CHSY1: variants seen among roughly 807,000 people sequenced by gnomAD.
CHSY1 encodes N-acetylgalactosaminyl-proteoglycan 3-beta-glucuronosyltransferase 1.
In CHSY1, 13 loss-of-function variants were observed where a neutral mutation model predicts 59.8. The ratio of observed to expected loss-of-function variants is 0.22; its 90% CI spans 0.14 to 0.35. CHSY1 has a LOEUF of 0.35. CHSY1 is among the 10% of genes least tolerant of loss of function. CHSY1 has a pLI of 1.00. For synonymous variants in CHSY1, 459 were observed against 401.2 expected (o/e 1.14, Z -1.72); for missense variants, 947 against 1,030.6 (o/e 0.92, Z 1.11).
At chr15:101,210,813 A>G (rs2038674782) in intron 2 of CHSY1, among the ~76,000 whole-genome samples, 1 of 152,208 alleles carries the variant, frequency 6.6e-6, no homozygotes, top group Admixed American at 6.5e-5. Context: ...TTCAGTCAAA[A>G]GCTACTAAAC....
In CHSY1 at chr15:101,177,701, T is replaced by C. The variant is rs775524760; in HGVS notation, c.2096A>G (p.Tyr699Cys). 4.3e-6 allele frequency: 7 copies of C among 1,614,122 alleles called. No individual in the cohort carries two copies. The African/African-American group carries it at 5.3e-5, about 12-fold the overall frequency. The change falls in exon 3 of 3, where the codon TAT becomes TGT. Residue 699 changes from tyrosine (Y) to cysteine (C), a missense_variant. Physicochemically the swap from Tyr to Cys is radical, Grantham distance 194 (BLOSUM62 -2). Around this residue, in one of 4 missense-constraint regions of CHSY1, gnomAD observed 602 missense variants for 676.9 expected, o/e 0.89. Coordinates refer to ENST00000254190, the MANE Select transcript of CHSY1 (RefSeq NM_014918.5). ...ACCCACTCGGACAAGATCTCCCTTA[T>C]AAATACACGTGATGCCAAACCCATA... ...RNYGFGITCI[Y>C]KGDLVRVGGF...
At chr15:101,191,804 A>G (rs1362580873) in intron 2 of CHSY1, among the ~76,000 whole-genome samples, 1 of 152,192 alleles carries the variant, frequency 6.6e-6, no homozygotes, top group Non-Finnish European at 1.5e-5. Context: ...TATGTTAAGT[A>G]GATTGTAGGG....
intron 2 of CHSY1, chr15:101,186,689 A>C (rs955947181): frequency 2.0e-5 from 3 of 152,196 alleles, no homozygotes; most frequent in Admixed American, 6.5e-5. Flanking sequence ...CTGTGGTCCC[A>C]GTTACTCAGG....
At chr15:101,212,363 C>A (rs2038690000) in intron 2 of CHSY1, among the ~76,000 whole-genome samples, 1 of 152,054 alleles carries the variant, frequency 6.6e-6, no homozygotes, top group Non-Finnish European at 1.5e-5. Flanking sequence ...AAATCTTGTT[C>A]AAGAGTAGTC....
At chr15:101,249,346 G>A (rs2039083463) in intron 1 of CHSY1, among the ~76,000 whole-genome samples, 1 of 148,352 alleles carries the variant, frequency 6.7e-6, no homozygotes, top group South Asian at 2.1e-4. Context: ...AATCTATATG[G>A]CTCATCCTCG....
chr15:101,246,190 G>A (rs573111652), intron 1 of CHSY1, among the ~76,000 whole-genome samples: 2 of 152,150 alleles, frequency 1.3e-5, no homozygotes, highest in East Asian at 1.9e-4. Flanking sequence ...CAATCTTGGC[G>A]CAAAGAAGGG....
At chr15:101,231,339 G>A (rs146963925) in intron 2 of CHSY1, among the ~76,000 whole-genome samples, 7 of 152,270 alleles carry the variant, frequency 4.6e-5, no homozygotes, top group East Asian at 1.9e-4. Context: ...TCATGTAAAC[G>A]GGGAGAGAAG....
Position 101,251,341 on chromosome 15 carries a change from G to C in CHSY1, c.116C>G (p.Pro39Arg). 1 of 1,139,948 alleles carries C rather than the reference G, an allele frequency of 8.8e-7. No individual in the cohort carries two copies. Among genetic ancestry groups the C allele is most frequent in the Non-Finnish European group, 1.1e-6 (1 of 914,748 alleles). The allele number at this position is 1,139,948 out of a possible 1,614,324, so 70.6% of individuals were successfully genotyped here. ...GCCCTCGGGGCTGGCGCGGCGCCGT[G>C]GGCCCGCTCGCTTCAGCTCGGAAGC... ...PRASELKRAG[P>R]RRRASPEGCR... The change falls in exon 1 of 3, where the codon CCA becomes CGA. Residue 39 changes from proline to arginine, a missense_variant. Transcript: ENST00000254190.
chr15:101,215,672 C>A (rs1313755391), intron 2 of CHSY1, among the ~76,000 whole-genome samples: 1 of 152,198 alleles, frequency 6.6e-6, no homozygotes, highest in Non-Finnish European at 1.5e-5. Context: ...GAGGTGGAGG[C>A]TGCAGTGAGC....
intron 1 of CHSY1, among the ~76,000 whole-genome samples, chr15:101,238,444 G>A (rs1201202938): frequency 6.6e-6 from 1 of 152,148 alleles, no homozygotes; most frequent in Non-Finnish European, 1.5e-5. Flanking sequence ...AATGGAATTC[G>A]ACTTTCTGCC....
At chr15:101,210,372 A>C (rs2038671638) in intron 2 of CHSY1, among the ~76,000 whole-genome samples, 1 of 152,220 alleles carries the variant, frequency 6.6e-6, no homozygotes, top group African/African-American at 2.4e-5. Context: ...CCTACATTTA[A>C]TAGAAAAACT....
intron 2 of CHSY1, chr15:101,189,471 G>C (rs1021551621): frequency 2.0e-6 from 2 of 985,442 alleles, no homozygotes; most frequent in African/African-American, 3.5e-5. Context: ...AGCTCGGGGG[G>C]ACCAGGACGT....
chr15:101,190,158 C>T (rs1404273034), intron 2 of CHSY1, among the ~76,000 whole-genome samples: 1 of 152,006 alleles, frequency 6.6e-6, no homozygotes, highest in Non-Finnish European at 1.5e-5. Flanking sequence ...TTCACAGCTA[C>T]CTCACAAAGG....
chr15:101,213,269 T>G (rs920748442), intron 2 of CHSY1, among the ~76,000 whole-genome samples: 1 of 152,216 alleles, frequency 6.6e-6, no homozygotes, highest in Non-Finnish European at 1.5e-5. Context: ...AGGACTTCAT[T>G]GTGCTACAGT....
chr15:101,204,539 G>T (rs776618861), intron 2 of CHSY1, among the ~76,000 whole-genome samples: 56 of 151,822 alleles, frequency 3.7e-4, no homozygotes, highest in Non-Finnish European at 6.8e-4. Flanking sequence ...TTGGGTGAAA[G>T]ACTTATAGGA....
At chr15:101,229,850 T>C (rs1596450256) in intron 2 of CHSY1, among the ~76,000 whole-genome samples, 1 of 151,878 alleles carries the variant, frequency 6.6e-6, no homozygotes, top group Non-Finnish European at 1.5e-5. Flanking sequence ...GAGGTTGCAG[T>C]GAGCTGAGGT....
rs3034964 is a variant in CHSY1, at chr15:101,188,595, TA to T, written c.817-9616del. On this transcript the variant is annotated intron_variant, in intron 2 of 2. Coordinates refer to ENST00000254190, the MANE Select transcript of CHSY1 (RefSeq NM_014918.5). ...GAAATTAAGCTGGGACTTTAGTGGT[TA>T]AAAAAAAAAAGAGAATTATTATGAA... 2.4e-3 allele frequency among the ~76,000 whole-genome samples: 366 copies of T among 149,626 alleles called. 1 individual carries two copies. Among genetic ancestry groups the T allele is most frequent in the African/African-American group, 7.6e-3 (310 of 40,982 alleles).
At chr15:101,205,690 A>G (rs971027559) in intron 2 of CHSY1, among the ~76,000 whole-genome samples, 25 of 152,174 alleles carry the variant, frequency 1.6e-4, no homozygotes, top group African/African-American at 5.8e-4. Flanking sequence ...GGTGGCTCAC[A>G]CCTGTAATCC....
At chr15:101,246,172 C>T (rs1262450444) in intron 1 of CHSY1, among the ~76,000 whole-genome samples, 2 of 152,116 alleles carry the variant, frequency 1.3e-5, no homozygotes, top group Non-Finnish European at 2.9e-5. Context: ...TGTAATGGTG[C>T]CCTTGTTCAA....
Sources: allele counts gnomAD v4.1 joint callset (sites outside exome capture counted in the v4.1 genomes callset), GRCh38; gene constraint gnomAD v4.1.1; regional missense constraint gnomAD v4.1.1; transcripts MANE v1.5; gene names NCBI Gene and HGNC (gene_info 2026-07-23, HGNC 2026-07-21).